The following PCDH9 variants were observed in gnomAD, a reference collection of about 807,000 sequenced individuals.
PCDH9 encodes the protein protocadherin 9, also known as protocadherin-9.
In PCDH9, 24 loss-of-function variants were observed where a neutral mutation model predicts 70.6. The observed-to-expected ratio is 0.34, with a 90% CI of 0.25 to 0.48. The LOEUF (loss-of-function observed/expected upper bound fraction) is 0.48. PCDH9 is among the 20% of genes least tolerant of loss of function. The pLI is 0.99. For synonymous variants in PCDH9, 562 were observed against 558.5 expected (o/e 1.01, Z -0.09); for missense variants, 1,281 against 1,503.6 (o/e 0.85, Z 2.45).
chr13:66,344,068 G>T (rs1436091329), intron 4 of PCDH9, among the ~76,000 whole-genome samples: 3 of 152,162 alleles, frequency 2.0e-5, no homozygotes, highest in Non-Finnish European at 4.4e-5. Flanking sequence ...AAATCTGATA[G>T]AAAGTGTAAG....
intron 4 of PCDH9, among the ~76,000 whole-genome samples, chr13:66,481,533 TA>T (rs1315000837): frequency 1.3e-5 from 2 of 152,198 alleles, no homozygotes; most frequent in Non-Finnish European, 2.9e-5. Flanking sequence ...CAGTGTAGTG[TA>T]AACATAACTT....
chr13:67,092,305 T>TA (rs1490580582), intron 2 of PCDH9, among the ~76,000 whole-genome samples: 1 of 152,206 alleles, frequency 6.6e-6, no homozygotes, highest in Non-Finnish European at 1.5e-5. Context: ...GGCAGATTTT[T>TA]AAAAAATTAT....
At chr13:66,517,229 A>G (rs1959780775) in intron 4 of PCDH9, among the ~76,000 whole-genome samples, 2 of 152,306 alleles carry the variant, frequency 1.3e-5, no homozygotes, top group South Asian at 4.1e-4. Flanking sequence ...ACATGACCTC[A>G]AAGTATTTGT....
In PCDH9 at chr13:66,440,485, C is replaced by A. The variant is rs551609023; in HGVS notation, c.3341-135457G>T. Among the ~76,000 whole-genome samples, 6 of 151,926 alleles carry A rather than the reference C, an allele frequency of 3.9e-5. No homozygotes were observed. In the South Asian group the frequency reaches 1.0e-3, roughly 26 times the overall value. ...AATGAATATTATATTTATAAATACT[C>A]TACTAATAACAAAATGTTGAAACTA... is the stretch of plus-strand genomic sequence containing the variant. On this transcript the variant is annotated intron_variant, in intron 4 of 4. Coordinates refer to ENST00000377865, the MANE Select transcript of PCDH9 (RefSeq NM_203487.3).
chr13:66,944,372 C>A (rs986748419), intron 2 of PCDH9, among the ~76,000 whole-genome samples: 12 of 152,094 alleles, frequency 7.9e-5, no homozygotes, highest in Non-Finnish European at 1.8e-4. Flanking sequence ...ATATTTTCAG[C>A]TTCTTGTCTC....
At chr13:66,629,500 A>T (rs2077542300) in intron 4 of PCDH9, among the ~76,000 whole-genome samples, 1 of 152,232 alleles carries the variant, frequency 6.6e-6, no homozygotes, top group African/African-American at 2.4e-5. Context: ...ATTCAATGAA[A>T]CCACTTAGAT....
chr13:66,919,075 A>G (rs1037346955), intron 2 of PCDH9, among the ~76,000 whole-genome samples: 1 of 151,178 alleles, frequency 6.6e-6, no homozygotes, highest in African/African-American at 2.4e-5. Context: ...CCTGTTGGAA[A>G]CATACTTCAC....
chr13:66,544,496 A>G (rs1029917852), intron 4 of PCDH9, among the ~76,000 whole-genome samples: 3 of 152,196 alleles, frequency 2.0e-5, no homozygotes, highest in Non-Finnish European at 2.9e-5. Context: ...CCCAGGAAAG[A>G]ATTCAAGAAA....
At chr13:66,711,069 T>G (rs2078786801) in intron 3 of PCDH9, among the ~76,000 whole-genome samples, 1 of 152,134 alleles carries the variant, frequency 6.6e-6, no homozygotes, top group Admixed American at 6.6e-5. Flanking sequence ...AGGGAATATT[T>G]TTTGTCTACC....
intron 2 of PCDH9, among the ~76,000 whole-genome samples, chr13:67,098,670 G>C (rs938420992): frequency 2.0e-5 from 3 of 151,926 alleles, no homozygotes; most frequent in Non-Finnish European, 4.4e-5. Flanking sequence ...TTAATGTTTA[G>C]TAATAGGAAA....
chr13:66,486,459 C>A (rs1189271268), intron 4 of PCDH9, among the ~76,000 whole-genome samples: 1 of 150,478 alleles, frequency 6.6e-6, no homozygotes, highest in Non-Finnish European at 1.5e-5. Context: ...CCTGTCCCCC[C>A]CCCACAAAAA....
At chr13:66,893,821 TCTAAC>T (rs1448932079) in intron 3 of PCDH9, among the ~76,000 whole-genome samples, 3 of 152,158 alleles carry the variant, frequency 2.0e-5, no homozygotes, top group African/African-American at 7.2e-5. Context: ...GCTATTCCAT[TCTAAC>T]CTATTTTTTT....
At chr13:66,737,246 G>A (rs2079164971) in intron 3 of PCDH9, among the ~76,000 whole-genome samples, 1 of 151,892 alleles carries the variant, frequency 6.6e-6, no homozygotes, top group Non-Finnish European at 1.5e-5. Context: ...TTGCATTTTG[G>A]TTTTGTCTGG....
chr13:66,955,010 G>A (rs576287218), intron 2 of PCDH9, among the ~76,000 whole-genome samples: 15 of 152,178 alleles, frequency 9.9e-5, no homozygotes, highest in Non-Finnish European at 1.9e-4. Flanking sequence ...TGATCTGCCC[G>A]CCTCAGCCTC....
chr13:66,907,149 A>C (rs2082375790), intron 2 of PCDH9, among the ~76,000 whole-genome samples: 3 of 152,168 alleles, frequency 2.0e-5, no homozygotes, highest in African/African-American at 7.2e-5. Context: ...GGTTGCAGTG[A>C]GCTGAGACTG....
chr13:66,632,614 T>A (rs2077586022), intron 3 of PCDH9, among the ~76,000 whole-genome samples: 1 of 152,194 alleles, frequency 6.6e-6, no homozygotes. Context: ...TAATACATTT[T>A]AATGTTTCCT....
intron 4 of PCDH9, among the ~76,000 whole-genome samples, chr13:66,380,586 C>T (rs1387393928): frequency 7.5e-6 from 1 of 133,188 alleles, no homozygotes; most frequent in African/African-American, 2.7e-5. Context: ...CTCTGTTGCC[C>T]AGGCTGGAGT....
At chr13:66,726,772 A>G (rs1195786705) in intron 3 of PCDH9, among the ~76,000 whole-genome samples, 1 of 152,190 alleles carries the variant, frequency 6.6e-6, no homozygotes, top group African/African-American at 2.4e-5. Context: ...GTTTTAAATA[A>G]ATGTCTGGAG....
intron 2 of PCDH9, among the ~76,000 whole-genome samples, chr13:66,963,095 C>T (rs2083374680): frequency 6.6e-6 from 1 of 152,086 alleles, no homozygotes; most frequent in Non-Finnish European, 1.5e-5. Context: ...GTTTGTGCTC[C>T]TATGAGAATC....
Sources: gnomAD v4.1 joint callset for allele counts (sites outside exome capture counted in the v4.1 genomes callset) on GRCh38, gnomAD v4.1.1 for gene constraint, MANE v1.5 for transcripts, NCBI Gene and HGNC (gene_info 2026-07-23, HGNC 2026-07-21) for gene names.